Variants in ARVCF observed in about 807,000 individuals in gnomAD.
ARVCF encodes ARVCF delta catenin family member, also known as splicing regulator ARVCF.
A neutral mutation model predicts 90.9 loss-of-function variants in ARVCF; 66 were observed. The observed-to-expected ratio is 0.73, with a 90% CI of 0.60 to 0.89. The LOEUF (loss-of-function observed/expected upper bound fraction) is 0.89, where lower values mean the gene tolerates loss of function less well. Ranked by LOEUF, ARVCF falls within the 40% of genes least tolerant of loss-of-function variation. The probability of loss-of-function intolerance (pLI) is 0.00; values close to 1 mark genes in which losing one functional copy is unlikely to be tolerated. For missense variants in ARVCF, 1,469 were observed against 1,382.3 expected (o/e 1.06, Z -1.00); for synonymous variants, 653 against 603.4 (o/e 1.08, Z -1.21).
chr22:19,981,826 G>T, intron 4 of ARVCF, 89 bp from the exon 5 acceptor site: 4 of 1,548,264 alleles, frequency 2.6e-6, no homozygotes, highest in South Asian at 1.2e-5. Flanking sequence ...TTTCCCACTC[G>T]AGCAATGAGA....
At chr22:19,972,119 G>T in intron 17 of ARVCF, 148 bp from the exon 18 acceptor site, 1 of 914,604 alleles carries the variant, frequency 1.1e-6, no homozygotes, top group Non-Finnish European at 1.6e-6. Context: ...GATCCAGGCT[G>T]GTGCCAGCTC....
intron 1 of ARVCF, among the ~76,000 whole-genome samples, chr22:20,013,374 G>A (rs1469445135): frequency 6.6e-6 from 1 of 152,264 alleles, no homozygotes; most frequent in African/African-American, 2.4e-5. Flanking sequence ...GAGCCTGTGT[G>A]TGGTCACCCA....
chr22:19,999,188 C>T (rs142509273), intron 2 of ARVCF, among the ~76,000 whole-genome samples: 104 of 152,286 alleles, frequency 6.8e-4, no homozygotes, highest in Non-Finnish European at 1.1e-3. Flanking sequence ...CTGCCCCCAC[C>T]CACTGACTGC....
intron 3 of ARVCF, 67 bp downstream of exon 3, chr22:19,990,518 C>T: frequency 6.6e-7 from 1 of 1,511,652 alleles, no homozygotes; most frequent in Non-Finnish European, 9.0e-7. Flanking sequence ...GCTTGTGGTC[C>T]ACCAGGACCC....
Position 19,990,469 on chromosome 22 carries a change from G to C in ARVCF, c.210+116C>G, listed in dbSNP as rs569742758. The stretch of plus-strand genomic sequence containing the variant: ...GGATCCCATTTTCCTTTCCTCCCCA[G>C]GAGCCCCAGCAAATCTTGCAATAAG... On this transcript the variant is annotated intron_variant, in intron 3 of 19. Transcript: ENST00000263207. 8 of 1,302,838 alleles carry C rather than the reference G, an allele frequency of 6.1e-6. No individual in the cohort carries two copies. The African/African-American group carries it at 1.2e-4, about 19-fold the overall frequency. The allele number at this position is 1,302,838 out of a possible 1,614,324, so 80.7% of individuals were successfully genotyped here. A position where few individuals can be genotyped will look rare whatever the true frequency, so the allele number is the denominator to read the frequency against.
intron 1 of ARVCF, among the ~76,000 whole-genome samples, chr22:20,013,911 C>T (rs146344141): frequency 0.017 from 2,590 of 152,182 alleles, 40 homozygotes; most frequent in Non-Finnish European, 0.028. Context: ...CTCACCCTGT[C>T]ACCCAGGCTG....
At chr22:19,981,903 C>A in intron 4 of ARVCF, 30 bp downstream of exon 4, 1 of 1,607,298 alleles carries the variant, frequency 6.2e-7, no homozygotes, top group Non-Finnish European at 8.5e-7. Context: ...TGGCCCTGCT[C>A]ACCCACCCAC....
At chr22:19,979,108 C>G in intron 6 of ARVCF, 28 bp from the exon 7 acceptor site, 1 of 1,598,822 alleles carries the variant, frequency 6.3e-7, no homozygotes, top group Non-Finnish European at 8.6e-7. Flanking sequence ...CCAATCTGTG[C>G]TGACCATATG....
chr22:20,010,548 C>T (rs1415668605), intron 1 of ARVCF, 40 bp from the exon 2 acceptor site: 1 of 152,250 alleles, frequency 6.6e-6, no homozygotes, highest in Non-Finnish European at 1.5e-5. Flanking sequence ...GTCAATCCAG[C>T]TGGGTAGGTC....
At chr22:19,973,831 C>T in intron 12 of ARVCF, 38 bp from the exon 13 acceptor site, 1 of 1,580,144 alleles carries the variant, frequency 6.3e-7, no homozygotes, top group Middle Eastern at 1.7e-4. Context: ...GACATACATG[C>T]CAGGCACTCT....
At chr22:19,976,683 G>A (rs749607389) in intron 10 of ARVCF, 23 bp downstream of exon 10, 2 of 1,555,588 alleles carry the variant, frequency 1.3e-6, no homozygotes, top group Non-Finnish European at 8.7e-7. Context: ...CAGGCCTGGA[G>A]AGCAGGATAA....
downstream of ARVCF, among the ~76,000 whole-genome samples, chr22:19,966,073 T>A (rs1942373875): frequency 6.6e-6 from 1 of 152,226 alleles, no homozygotes; most frequent in Non-Finnish European, 1.5e-5. Context: ...TGCAGTTTAG[T>A]AACTAGGAAA....
chr22:19,990,905 C>G (rs1944002675), intron 2 of ARVCF, 93 bp from the exon 3 acceptor site: 1 of 1,271,526 alleles, frequency 7.9e-7, no homozygotes, highest in African/African-American at 1.5e-5. Context: ...GACCATACAA[C>G]TCACTCCCAG....
chr22:20,009,835 G>C (rs192929215), intron 2 of ARVCF, among the ~76,000 whole-genome samples: 17 of 152,376 alleles, frequency 1.1e-4, no homozygotes, highest in African/African-American at 3.6e-4. Flanking sequence ...CCACGGGCCA[G>C]TACACATGGC....
intron 19 of ARVCF, 149 bp downstream of exon 19, chr22:19,971,067 G>A: frequency 7.4e-7 from 1 of 1,351,794 alleles, no homozygotes; most frequent in African/African-American, 1.4e-5. Context: ...GGTCTTTCCG[G>A]GAATGGGCCA....
chr22:19,990,672 C>T lies in ARVCF; in HGVS notation c.123G>A (p.Leu41=). The T allele has an allele frequency of 6.2e-7, 1 of 1,607,152 alleles. No individual in the cohort carries two copies. The highest frequency in any genetic ancestry group is 8.5e-7 in the Non-Finnish European group (1 of 1,177,404). Residue 41 remains leucine (L), a synonymous_variant, in exon 3 of 20, where the codon CTG becomes CTA. Transcript: ENST00000263207. ...EQERRHVALQ[L]ERAQQPGMVS... ...CCATGCCAGGCTGCTGGGCACGCTC[C>T]AGCTGTAGGGCAACATGGCGCCGCT...
chr22:19,985,107 C>T (rs73150834), intron 3 of ARVCF, among the ~76,000 whole-genome samples: 11,546 of 152,250 alleles, frequency 0.076, 578 homozygotes, highest in Non-Finnish European at 0.11. Flanking sequence ...TGCCTCAGAC[C>T]CAACTCTGGG....
chr22:19,972,681 G>A, intron 16 of ARVCF, 56 bp downstream of exon 16: 3 of 1,521,634 alleles, frequency 2.0e-6, no homozygotes, highest in Admixed American at 4.1e-5. Flanking sequence ...CAAGGGTCAG[G>A]CAACTGGGGC....
At chr22:19,969,083 G>A (rs1051190392), downstream of ARVCF, 12 of 241,572 alleles carry the variant, frequency 5.0e-5, no homozygotes, top group Non-Finnish European at 1.0e-4. Flanking sequence ...CTTGACTTGG[G>A]CACCAAACAT....
Sources: gnomAD v4.1 joint callset for allele counts (sites outside exome capture counted in the v4.1 genomes callset) on GRCh38, gnomAD v4.1.1 for gene constraint, MANE v1.5 for transcripts, NCBI Gene and HGNC (gene_info 2026-07-23, HGNC 2026-07-21) for gene names.